Variants in SHISA9 observed in about 807,000 individuals in gnomAD.
SHISA9 encodes protein shisa-9.
Under a neutral mutation model 38.0 loss-of-function variants are expected in SHISA9, and 13 were observed. The observed-to-expected ratio is 0.34, with a 90% CI of 0.22 to 0.54. The LOEUF (loss-of-function observed/expected upper bound fraction) is 0.54. Among genes scored for constraint, SHISA9 ranks in the 20% least tolerant of loss-of-function variants. The probability of loss-of-function intolerance (pLI) is 0.91; values close to 1 mark genes in which losing one functional copy is unlikely to be tolerated. For synonymous variants in SHISA9, 275 were observed against 242.0 expected, an observed-to-expected ratio of 1.14 and a Z score of -1.27; for missense variants, 538 against 575.8, an observed-to-expected ratio of 0.93 and a Z score of 0.67.
chr16:13,107,587 A>C (rs1170021136), intron 2 of SHISA9, among the ~76,000 whole-genome samples: 1 of 151,992 alleles, frequency 6.6e-6, no homozygotes, highest in Non-Finnish European at 1.5e-5. Flanking sequence ...ATAGGTCCAG[A>C]ATTTACAGGG....
At chr16:13,091,135 CT>C (rs1185079158) in intron 2 of SHISA9, among the ~76,000 whole-genome samples, 1 of 152,194 alleles carries the variant, frequency 6.6e-6, no homozygotes, top group African/African-American at 2.4e-5. Flanking sequence ...CCCCCACTCT[CT>C]TCTGGCTTGC....
intron 2 of SHISA9, among the ~76,000 whole-genome samples, chr16:13,079,972 G>C (rs913340566): frequency 6.6e-6 from 1 of 152,172 alleles, no homozygotes; most frequent in Admixed American, 6.5e-5. Flanking sequence ...CTAGCATGAA[G>C]GAAATCAAAA....
the SHISA9 span, among the ~76,000 whole-genome samples, chr16:13,261,229 T>C: frequency 6.6e-6 from 1 of 152,078 alleles, no homozygotes; most frequent in Non-Finnish European, 1.5e-5. Flanking sequence ...ACATACTCTG[T>C]GATTGGGAAT....
chr16:13,406,125 A>T, the SHISA9 span, among the ~76,000 whole-genome samples: 1 of 152,190 alleles, frequency 6.6e-6, no homozygotes, highest in African/African-American at 2.4e-5. Flanking sequence ...AGCTGCCCAG[A>T]TGTGCCACTC....
chr16:13,369,135 G>A, the SHISA9 span, among the ~76,000 whole-genome samples: 3 of 152,102 alleles, frequency 2.0e-5, no homozygotes, highest in Admixed American at 1.3e-4. Context: ...GCAGAATAAT[G>A]TGCTCAGTGT....
At chr16:13,241,670 C>T, downstream of SHISA9, among the ~76,000 whole-genome samples, 1 of 152,170 alleles carries the variant, frequency 6.6e-6, no homozygotes, top group Non-Finnish European at 1.5e-5. Context: ...ATGAAACTTC[C>T]ACTCTCTGGA....
At chr16:13,412,091 C>G in the SHISA9 span, among the ~76,000 whole-genome samples, 1 of 152,002 alleles carries the variant, frequency 6.6e-6, no homozygotes, top group Admixed American at 6.5e-5. Context: ...CACACAAGGC[C>G]TATTCTCGAA....
At chr16:13,560,025 A>G in the SHISA9 span, among the ~76,000 whole-genome samples, 1 of 152,234 alleles carries the variant, frequency 6.6e-6, no homozygotes, top group Admixed American at 6.5e-5. Context: ...AACTTGCTTT[A>G]AAATAAACAA....
At chr16:13,393,418 C>T in the SHISA9 span, among the ~76,000 whole-genome samples, 78 of 152,324 alleles carry the variant, frequency 5.1e-4, 2 homozygotes, top group East Asian at 0.014. Flanking sequence ...ATCCCATCTA[C>T]TTTGTCTGAA....
chr16:13,288,666 C>T, the SHISA9 span, among the ~76,000 whole-genome samples: 1 of 152,014 alleles, frequency 6.6e-6, no homozygotes, highest in Non-Finnish European at 1.5e-5. Flanking sequence ...TGGTCACATG[C>T]GCCTGTAATC....
At chr16:12,932,962 GAT>G (rs2071481125) in intron 2 of SHISA9, among the ~76,000 whole-genome samples, 1 of 152,136 alleles carries the variant, frequency 6.6e-6, no homozygotes, top group African/African-American at 2.4e-5. Context: ...TTCTGCTACA[GAT>G]ATAATAAAAG....
intron 2 of SHISA9, among the ~76,000 whole-genome samples, chr16:13,106,115 TA>T (rs1404039336): frequency 6.6e-6 from 1 of 152,180 alleles, no homozygotes; most frequent in African/African-American, 2.4e-5. Flanking sequence ...GTCACATAGC[TA>T]GTAAGTGGCA....
At chr16:12,918,071 T>A (rs1357369360) in intron 2 of SHISA9, among the ~76,000 whole-genome samples, 3 of 152,170 alleles carry the variant, frequency 2.0e-5, no homozygotes. Flanking sequence ...GTGTTAGGTT[T>A]AAATATATTA....
chr16:13,428,714 A>C, the SHISA9 span, among the ~76,000 whole-genome samples: 7 of 151,806 alleles, frequency 4.6e-5, no homozygotes, highest in Non-Finnish European at 8.8e-5. Flanking sequence ...ATATATCCTG[A>C]GACTAGTGGT....
chr16:13,345,414 T>C, the SHISA9 span, among the ~76,000 whole-genome samples: 2 of 152,294 alleles, frequency 1.3e-5, no homozygotes, highest in South Asian at 2.1e-4. Flanking sequence ...GCTCCATCCA[T>C]GTCCCTGCAA....
chr16:13,286,119 G>C, the SHISA9 span, among the ~76,000 whole-genome samples: 2 of 152,192 alleles, frequency 1.3e-5, no homozygotes, highest in Middle Eastern at 6.8e-3. Flanking sequence ...CTGCCTATGA[G>C]CTGGAAGCCC....
chr16:13,466,275 G>T, the SHISA9 span, among the ~76,000 whole-genome samples: 1 of 152,220 alleles, frequency 6.6e-6, no homozygotes, highest in Non-Finnish European at 1.5e-5. Context: ...GAGAGTGATG[G>T]TGCTGGCTGG....
intron 2 of SHISA9, among the ~76,000 whole-genome samples, chr16:13,162,460 A>G (rs2050603160): frequency 6.6e-6 from 1 of 152,222 alleles, no homozygotes; most frequent in Admixed American, 6.5e-5. Context: ...TTTACCTTGC[A>G]TTAGCATCAA....
At chr16:13,366,529 C>T in the SHISA9 span, among the ~76,000 whole-genome samples, 1 of 152,076 alleles carries the variant, frequency 6.6e-6, no homozygotes, top group South Asian at 2.1e-4. Context: ...CATACCTAGA[C>T]CACACTGTGA....
Sources: allele counts gnomAD v4.1 joint callset (sites outside exome capture counted in the v4.1 genomes callset), GRCh38; gene constraint gnomAD v4.1.1; transcripts MANE v1.5; gene names NCBI Gene and HGNC (gene_info 2026-07-23, HGNC 2026-07-21).